TOX: variants seen among roughly 807,000 people sequenced by gnomAD.
TOX encodes thymocyte selection-associated high mobility group box protein TOX.
A neutral mutation model predicts 53.7 loss-of-function variants in TOX; 11 were observed. That is an observed-to-expected ratio of 0.20 (90% CI 0.13 to 0.34). TOX has a LOEUF of 0.34. Ranked by LOEUF, TOX falls within the 10% of genes least tolerant of loss-of-function variation. The probability of loss-of-function intolerance (pLI) is 1.00; values close to 1 mark genes in which losing one functional copy is unlikely to be tolerated. For synonymous variants in TOX, 225 were observed against 245.3 expected (o/e 0.92, Z 0.77); for missense variants, 570 against 664.6 (o/e 0.86, Z 1.56).
At chr8:58,844,069 G>A (rs1439620094) in intron 4 of TOX, among the ~76,000 whole-genome samples, 1 of 152,130 alleles carries the variant, frequency 6.6e-6, no homozygotes, top group African/African-American at 2.4e-5. Flanking sequence ...GATATTGTCT[G>A]GATCCGGACT....
chr8:58,819,387 A>G (rs1004341418), intron 6 of TOX, among the ~76,000 whole-genome samples: 3 of 152,216 alleles, frequency 2.0e-5, no homozygotes, highest in African/African-American at 4.8e-5. Context: ...CTGAAAATCA[A>G]CCTTTGAATC....
chr8:58,851,870 AAT>A lies in TOX; in HGVS notation c.412-67_412-66del. 1 of 1,227,714 alleles carries A rather than the reference AAT, an allele frequency of 8.1e-7. No individual in the cohort carries two copies. The highest frequency in any genetic ancestry group is 1.0e-6 in the Non-Finnish European group (1 of 973,550). 76.1% of individuals were successfully genotyped at this position (1,227,714 alleles called of 1,614,324 possible). ...AAATAGGAAAGGAGTAATTTTAACA[AAT>A]ATGTTTTGGGCAAAAAAGTAATAAT... On this transcript the variant is annotated intron_variant, in intron 3 of 8. Coordinates refer to ENST00000361421, the MANE Select transcript of TOX (RefSeq NM_014729.3). This position sits in a 1 kb window ranked among gnomAD's most constrained non-coding sequence, Gnocchi z 4.4.
chr8:58,978,349 A>G (rs1813142563), intron 1 of TOX, among the ~76,000 whole-genome samples: 1 of 152,218 alleles, frequency 6.6e-6, no homozygotes, highest in Non-Finnish European at 1.5e-5. Context: ...AAAAATCTGC[A>G]TAAGGCAGAC....
At position 58,840,151 on chromosome 8, in the gene TOX, A is replaced by C. The variant is rs746839536; in HGVS notation, c.694-1840T>G. ...ATAATCAGTATGAAAGATATACCTA[A>C]GCACCGAAAAGAGATAAGCAAAAGC... On this transcript the variant is annotated intron_variant, in intron 4 of 8. Transcript: ENST00000361421. 9.2e-5 allele frequency among the ~76,000 whole-genome samples: 14 copies of C among 152,228 alleles called. No individual in the cohort carries two copies. The South Asian group carries it at 1.0e-3, about 11-fold the overall frequency.
At chr8:58,923,769 T>C (rs981333679) in intron 3 of TOX, among the ~76,000 whole-genome samples, 3 of 152,186 alleles carry the variant, frequency 2.0e-5, no homozygotes, top group Non-Finnish European at 4.4e-5. Flanking sequence ...GTCTCACACA[T>C]AGCTTACCAG....
intron 3 of TOX, among the ~76,000 whole-genome samples, chr8:58,856,898 C>T (rs978145344): frequency 4.1e-4 from 62 of 152,064 alleles, no homozygotes; most frequent in Admixed American, 2.9e-3. Context: ...GCCTGGACAA[C>T]CTACTTACAG....
At chr8:59,042,582 T>C (rs75614841) in intron 1 of TOX, among the ~76,000 whole-genome samples, 3,332 of 152,292 alleles carry the variant, frequency 0.022, 87 homozygotes, top group South Asian at 0.089. Context: ...TCTTTGCTGA[T>C]TGTCAAGTCC....
At chr8:58,963,302 GATAGATATATAT>G (rs1554533748) in intron 1 of TOX, among the ~76,000 whole-genome samples, 12,393 of 122,022 alleles carry the variant, frequency 0.1, 646 homozygotes, top group Non-Finnish European at 0.13. Context: ...AAGATAGATA[GATAGATATATAT>G]ATAGATAGAT....
intron 1 of TOX, among the ~76,000 whole-genome samples, chr8:59,019,643 G>A (rs1442718544): frequency 6.6e-6 from 1 of 152,128 alleles, no homozygotes; most frequent in Non-Finnish European, 1.5e-5. Context: ...ATAATTTAAT[G>A]GGTTTACTCT....
chr8:59,018,198 T>C (rs1051452496), intron 1 of TOX, among the ~76,000 whole-genome samples: 1 of 152,190 alleles, frequency 6.6e-6, no homozygotes, highest in Non-Finnish European at 1.5e-5. Flanking sequence ...CAGTCCTATT[T>C]TATATTTGTT....
intron 2 of TOX, among the ~76,000 whole-genome samples, chr8:58,945,793 T>C (rs1812513827): frequency 6.6e-6 from 1 of 152,192 alleles, no homozygotes; most frequent in African/African-American, 2.4e-5. Context: ...TAACCAGGAA[T>C]AAATAATGGG....
chr8:59,099,543 G>A (rs1804769245), intron 1 of TOX, among the ~76,000 whole-genome samples: 1 of 152,102 alleles, frequency 6.6e-6, no homozygotes, highest in African/African-American at 2.4e-5. Context: ...TCAATTATCT[G>A]GAAATTTCTG....
chr8:58,963,342 G>T (rs1812836174), intron 1 of TOX, among the ~76,000 whole-genome samples: 1 of 151,886 alleles, frequency 6.6e-6, no homozygotes, highest in Admixed American at 6.6e-5. Context: ...TAGATAGATA[G>T]GTAGATAGAT....
In TOX at chr8:58,831,354, G is replaced by A. The variant is rs114247786; in HGVS notation, c.925-4452C>T. The stretch of plus-strand genomic sequence containing the variant: ...TGTGCCTACTGTGGTGTGAGGCACC[G>A]ATGTTATAAAATTAAAATCAAAAAG... On this transcript the variant is annotated intron_variant, in intron 5 of 8. Transcript: ENST00000361421. Among the ~76,000 whole-genome samples, 933 of 152,210 alleles carry A rather than the reference G, an allele frequency of 6.1e-3. 8 individuals are homozygous for A. The highest frequency in any genetic ancestry group is 0.021 in the African/African-American group (864 of 41,522).
chr8:58,816,194 G>A (rs1271837323), intron 6 of TOX, among the ~76,000 whole-genome samples: 1 of 152,114 alleles, frequency 6.6e-6, no homozygotes. Flanking sequence ...TTTGCACAAA[G>A]AAAACAAAGC....
At chr8:58,915,058 C>G (rs1367823525) in intron 3 of TOX, among the ~76,000 whole-genome samples, 2 of 148,700 alleles carry the variant, frequency 1.3e-5, no homozygotes, top group African/African-American at 2.5e-5. Flanking sequence ...CCTACGCCCA[C>G]GGAATCTCGC....
At chr8:58,963,314 T>TAGATAGATG (rs1554533756) in intron 1 of TOX, among the ~76,000 whole-genome samples, 1 of 130,648 alleles carries the variant, frequency 7.7e-6, no homozygotes, top group Non-Finnish European at 1.8e-5. Flanking sequence ...TAGATATATA[T>TAGATAGATG]ATAGATAGAT....
At chr8:58,967,528 C>T (rs1401851323) in intron 1 of TOX, among the ~76,000 whole-genome samples, 1 of 152,092 alleles carries the variant, frequency 6.6e-6, no homozygotes, top group East Asian at 1.9e-4. Context: ...ACCACAGCTA[C>T]AAACCAAGGT....
At chr8:59,002,604 C>CAA (rs1313633072) in intron 1 of TOX, among the ~76,000 whole-genome samples, 7 of 102,092 alleles carry the variant, frequency 6.9e-5, no homozygotes, top group Admixed American at 1.9e-4. Context: ...ACAACAACAA[C>CAA]AACAAAAAAA....
Sources: allele counts gnomAD v4.1 joint callset (sites outside exome capture counted in the v4.1 genomes callset), GRCh38; gene constraint gnomAD v4.1.1; non-coding constraint Gnocchi (gnomAD v3.1); transcripts MANE v1.5; gene names NCBI Gene and HGNC (gene_info 2026-07-23, HGNC 2026-07-21).